Variants in CPQ observed in about 807,000 individuals in gnomAD.
CPQ encodes the protein Ser-Met dipeptidase.
Under a neutral mutation model 45.7 loss-of-function variants are expected in CPQ, and 37 were observed. That is an observed-to-expected ratio of 0.81 (90% CI 0.62 to 1.07). The LOEUF (loss-of-function observed/expected upper bound fraction) is 1.07, where lower values mean the gene tolerates loss of function less well. CPQ is among the 50% of genes least tolerant of loss of function. CPQ has a pLI of 0.00. For synonymous variants in CPQ, 186 were observed against 205.8 expected, an observed-to-expected ratio of 0.90 and a Z score of 0.82; for missense variants, 537 against 572.9, an observed-to-expected ratio of 0.94 and a Z score of 0.64.
intron 4 of CPQ, among the ~76,000 whole-genome samples, chr8:96,911,501 A>G (rs948071444): frequency 2.0e-5 from 3 of 152,250 alleles, no homozygotes; most frequent in East Asian, 1.9e-4. Context: ...CTTCTAGGCC[A>G]TATGTTATGT....
chr8:96,767,869 C>G (rs1334501656), intron 1 of CPQ, among the ~76,000 whole-genome samples: 1 of 151,872 alleles, frequency 6.6e-6, no homozygotes. Flanking sequence ...GTCTCGAACC[C>G]CTAACCTCAG....
chr8:96,764,966 C>T (rs1167092717), intron 1 of CPQ, among the ~76,000 whole-genome samples: 1 of 152,178 alleles, frequency 6.6e-6, no homozygotes, highest in African/African-American at 2.4e-5. Flanking sequence ...CCCCCAACTG[C>T]GTTTGAAATT....
At chr8:96,691,670 G>A (rs1809307004) in intron 1 of CPQ, among the ~76,000 whole-genome samples, 1 of 152,112 alleles carries the variant, frequency 6.6e-6, no homozygotes, top group Non-Finnish European at 1.5e-5. Context: ...AAAAAATAAA[G>A]CGGAGTCATT....
chr8:96,830,301 T>G (rs989688941), intron 2 of CPQ, among the ~76,000 whole-genome samples: 1 of 152,152 alleles, frequency 6.6e-6, no homozygotes, highest in Admixed American at 6.5e-5. Flanking sequence ...GTTGTAAGAT[T>G]ATTTCATTAT....
intron 5 of CPQ, among the ~76,000 whole-genome samples, chr8:97,021,094 C>T (rs888312207): frequency 6.6e-6 from 1 of 151,978 alleles, no homozygotes; most frequent in African/African-American, 2.4e-5. Context: ...ATGTGATACA[C>T]CACATAAGCA....
chr8:97,132,761 C>G (rs909007987), intron 7 of CPQ: 1 of 152,106 alleles, frequency 6.6e-6, no homozygotes, highest in Non-Finnish European at 1.5e-5. Flanking sequence ...ATGATGTTTC[C>G]TCAGTGAGCA....
At chr8:96,926,578 C>CTTCTTCTTCTTCTTCTTCTTCTTCTTA (rs1563530808) in intron 4 of CPQ, among the ~76,000 whole-genome samples, 21 of 102,654 alleles carry the variant, frequency 2.0e-4, no homozygotes, top group African/African-American at 6.9e-4. Flanking sequence ...TCCTCTTCCT[C>CTTCTTCTTCTTCTTCTTCTTCTTCTTA]TTCTTCTTCT....
chr8:96,849,764 C>T (rs1222602495), intron 3 of CPQ, among the ~76,000 whole-genome samples: 1 of 152,148 alleles, frequency 6.6e-6, no homozygotes, highest in African/African-American at 2.4e-5. Flanking sequence ...GTTTTACTGG[C>T]CTGATCCAGT....
At chr8:96,924,013 C>G (rs1812841875) in intron 4 of CPQ, among the ~76,000 whole-genome samples, 1 of 152,214 alleles carries the variant, frequency 6.6e-6, no homozygotes, top group Non-Finnish European at 1.5e-5. Flanking sequence ...CATTAAATCC[C>G]TGGCATTTTC....
chr8:96,819,100 A>G (rs1811266047), intron 2 of CPQ, among the ~76,000 whole-genome samples: 1 of 152,020 alleles, frequency 6.6e-6, no homozygotes, highest in African/African-American at 2.4e-5. Flanking sequence ...TGGAAATTCC[A>G]TCACATAGCT....
chr8:96,722,147 A>G (rs1016859259), intron 1 of CPQ, among the ~76,000 whole-genome samples: 1 of 152,190 alleles, frequency 6.6e-6, no homozygotes, highest in African/African-American at 2.4e-5. Context: ...AGTACAATGC[A>G]TGGTTCACAA....
At chr8:96,923,966 T>C (rs1812841061) in intron 4 of CPQ, among the ~76,000 whole-genome samples, 1 of 152,226 alleles carries the variant, frequency 6.6e-6, no homozygotes, top group African/African-American at 2.4e-5. Flanking sequence ...TTTATCCATT[T>C]ACTTCAGTCC....
chr8:96,672,321 C>T (rs1281014832), intron 1 of CPQ, among the ~76,000 whole-genome samples: 3 of 152,080 alleles, frequency 2.0e-5, no homozygotes, highest in East Asian at 1.9e-4. Context: ...CTGCCATGTA[C>T]TAGACACTGT....
chr8:96,645,844 T>G (rs933759792), intron 1 of CPQ, among the ~76,000 whole-genome samples: 1 of 151,544 alleles, frequency 6.6e-6, no homozygotes, highest in African/African-American at 2.4e-5. Context: ...CTTTCGCATT[T>G]TACCGTGTAC....
intron 7 of CPQ, among the ~76,000 whole-genome samples, chr8:97,127,120 T>G (rs1181855345): frequency 6.6e-6 from 1 of 152,198 alleles, no homozygotes; most frequent in Non-Finnish European, 1.5e-5. Flanking sequence ...AAAGATTTCT[T>G]AGATTACTAA....
intron 7 of CPQ, among the ~76,000 whole-genome samples, chr8:97,095,862 A>G (rs1424632414): frequency 6.6e-6 from 1 of 152,190 alleles, no homozygotes; most frequent in Admixed American, 6.5e-5. Flanking sequence ...CTGTTTTCAT[A>G]GTAAACTTAA....
At position 97,066,048 on chromosome 8, in the gene CPQ, G is replaced by T. The variant is rs747606927; in HGVS notation, c.1093G>T (p.Ala365Ser). ...CTACAGTCTGGTGATGGAGTCTGAC[G>T]CAGGAACCTTCTTACCCACTGGGCT... ...SNYSLVMESD[A>S]GTFLPTGLQF... The change falls in exon 7 of 8, where the codon GCA (alanine) becomes TCA (serine). Residue 365 changes from alanine (A) to serine (S), a missense_variant. Physicochemically the swap from Ala to Ser is moderately conservative, Grantham distance 99 (BLOSUM62 1). Transcript: ENST00000220763. The T allele has an allele frequency of 6.2e-7, 1 of 1,611,144 alleles. No individual in the cohort carries two copies. The highest frequency in any genetic ancestry group is 8.5e-7 in the Non-Finnish European group (1 of 1,179,218).
rs1430258603 is a variant in CPQ, at chr8:96,725,800, C to T, written c.-34-59064C>T. Among the ~76,000 whole-genome samples, 3 of 152,148 alleles carry T rather than the reference C, an allele frequency of 2.0e-5. 1 individual carries two copies. The highest frequency in any genetic ancestry group is 4.4e-5 in the Non-Finnish European group (3 of 68,014). The stretch of plus-strand genomic sequence containing the variant: ...ACATGCACTCATATGTTTACCATAG[C>T]ACTATTCACAATAGCAAAGACATGG... On this transcript the variant is annotated intron_variant, in intron 1 of 7. Coordinates refer to ENST00000220763, the MANE Select transcript of CPQ (RefSeq NM_016134.4).
At chr8:96,664,319 T>G (rs960094770) in intron 1 of CPQ, among the ~76,000 whole-genome samples, 1 of 152,156 alleles carries the variant, frequency 6.6e-6, no homozygotes, top group African/African-American at 2.4e-5. Flanking sequence ...GGTAAAGGGA[T>G]AGAAGAACTT....
Sources: gnomAD v4.1 joint callset for allele counts (sites outside exome capture counted in the v4.1 genomes callset) on GRCh38, gnomAD v4.1.1 for gene constraint, MANE v1.5 for transcripts, NCBI Gene and HGNC (gene_info 2026-07-23, HGNC 2026-07-21) for gene names.